ANO10: variants seen among roughly 807,000 people sequenced by gnomAD.
ANO10 encodes the protein anoctamin-10.
ANO10 carries 77 observed loss-of-function variants against 74.7 expected under a neutral mutation model. The ratio of observed to expected loss-of-function variants is 1.03; its 90% confidence interval spans 0.86 to 1.25. ANO10 has a LOEUF of 1.25. ANO10 is among the 50% of genes most tolerant of loss of function. ANO10 has a pLI of 0.00. For missense variants in ANO10, 721 were observed against 778.1 expected, an observed-to-expected ratio of 0.93 and a Z score of 0.87; for synonymous variants, 279 against 284.9, an observed-to-expected ratio of 0.98 and a Z score of 0.21.
chr3:43,436,745 T>G (rs1262944914), intron 11 of ANO10, among the ~76,000 whole-genome samples: 2 of 152,224 alleles, frequency 1.3e-5, no homozygotes, highest in African/African-American at 4.8e-5. Flanking sequence ...AGGACTCTCA[T>G]GCCAGCTGCA....
chr3:43,515,908 G>GT (rs2077691372), intron 11 of ANO10, among the ~76,000 whole-genome samples: 1 of 152,128 alleles, frequency 6.6e-6, no homozygotes, highest in Admixed American at 6.5e-5. Flanking sequence ...GTAAACTTAA[G>GT]GAATCTACTC....
chr3:43,462,373 G>A (rs2075417081), intron 11 of ANO10, among the ~76,000 whole-genome samples: 1 of 152,118 alleles, frequency 6.6e-6, no homozygotes, highest in Non-Finnish European at 1.5e-5. Flanking sequence ...GGGATTACAG[G>A]CACCCACCAC....
intron 1 of ANO10, among the ~76,000 whole-genome samples, chr3:43,671,081 A>G (rs1185376958): frequency 6.6e-6 from 1 of 152,182 alleles, no homozygotes; most frequent in African/African-American, 2.4e-5. Context: ...TTTCCCATTT[A>G]TATGATGGAA....
intron 1 of ANO10, among the ~76,000 whole-genome samples, chr3:43,655,539 T>C (rs1172636829): frequency 6.6e-6 from 1 of 152,222 alleles, no homozygotes; most frequent in Non-Finnish European, 1.5e-5. Context: ...TATTCTCTTA[T>C]GTGGCCCCAC....
chr3:43,409,542 A>T (rs1248480220), intron 12 of ANO10, among the ~76,000 whole-genome samples: 1 of 152,172 alleles, frequency 6.6e-6, no homozygotes, highest in Non-Finnish European at 1.5e-5. Context: ...ACCCTGTTTC[A>T]ATAAAAATAA....
At chr3:43,415,932 G>T (rs1040485719) in intron 12 of ANO10, among the ~76,000 whole-genome samples, 4 of 151,726 alleles carry the variant, frequency 2.6e-5, no homozygotes, top group African/African-American at 9.7e-5. Flanking sequence ...CAGCTATCCT[G>T]GATAAAGTTT....
At chr3:43,527,975 T>C (rs763619330) in intron 11 of ANO10, among the ~76,000 whole-genome samples, 1 of 152,026 alleles carries the variant, frequency 6.6e-6, no homozygotes, top group Non-Finnish European at 1.5e-5. Flanking sequence ...GGCTGAAGAT[T>C]ATCGGAAAGA....
chr3:43,651,589 G>T (rs918920989), intron 1 of ANO10, among the ~76,000 whole-genome samples: 1 of 152,186 alleles, frequency 6.6e-6, no homozygotes, highest in Non-Finnish European at 1.5e-5. Context: ...ATGTGGAAAA[G>T]ATGATGAATT....
Position 43,576,880 on chromosome 3 carries a change from C to T in ANO10, c.974G>A (p.Cys325Tyr). ...CATGACATACAGTGAGAAATAGAGGCAGAGGCACACGAATGGCAGGGAGAC... is the reference window on the plus strand; with the variant it reads ...CATGACATACAGTGAGAAATAGAGGTAGAGGCACACGAATGGCAGGGAGAC... ...YLVSLPFVCL[C>Y]LYFSLYVMMI... Residue 325 changes from cysteine to tyrosine, a missense_variant, in exon 6 of 13, where the codon TGC (cysteine) becomes TAC (tyrosine). Coordinates refer to ENST00000292246, the MANE Select transcript of ANO10 (RefSeq NM_018075.5). 6.2e-7 allele frequency: 1 copy of T among 1,614,154 alleles called. No homozygotes were observed. The highest frequency in any genetic ancestry group is 8.5e-7 in the Non-Finnish European group (1 of 1,180,034).
rs370103943 is a variant in ANO10 at position 43,415,554 on chromosome 3, T to C, written c.1914+17057A>G. Among the ~76,000 whole-genome samples, 760 of 152,134 alleles carry C rather than the reference T, an allele frequency of 5.0e-3. 8 individuals are homozygous for C. The highest frequency in any genetic ancestry group is 0.017 in the African/African-American group (699 of 41,494). ...TTTTCTTTCTTTCTTTCTTTTTTTT[T>C]TGAGATGTAGTCTTGCTCTGTCGCC... On this transcript the variant is annotated intron_variant, in intron 12 of 12. Transcript: ENST00000292246.
At chr3:43,412,603 C>G (rs1256417724) in intron 12 of ANO10, among the ~76,000 whole-genome samples, 1 of 152,232 alleles carries the variant, frequency 6.6e-6, no homozygotes, top group African/African-American at 2.4e-5. Flanking sequence ...TTTGACATAA[C>G]TTCTCGTTCA....
intron 11 of ANO10, among the ~76,000 whole-genome samples, chr3:43,434,669 G>C (rs2093040064): frequency 6.6e-6 from 1 of 152,142 alleles, no homozygotes; most frequent in African/African-American, 2.4e-5. Context: ...ATCCTGCTGA[G>C]GAAGGACATG....
chr3:43,570,855 G>C (rs1260261237), intron 7 of ANO10, among the ~76,000 whole-genome samples: 5 of 139,300 alleles, frequency 3.6e-5, no homozygotes, highest in African/African-American at 1.4e-4. Flanking sequence ...AAACTAAAGA[G>C]CTTCTGCACA....
intron 1 of ANO10, among the ~76,000 whole-genome samples, chr3:43,642,906 T>C (rs1483893462): frequency 2.0e-5 from 3 of 152,218 alleles, no homozygotes; most frequent in Non-Finnish European, 2.9e-5. Context: ...CTGCAGTTTA[T>C]TTACAGCCTC....
At chr3:43,393,587 T>C (rs1486213988) in intron 12 of ANO10, among the ~76,000 whole-genome samples, 2 of 152,174 alleles carry the variant, frequency 1.3e-5, no homozygotes, top group African/African-American at 4.8e-5. Context: ...GGCTCCTTCC[T>C]GCAAATCCCT....
intron 1 of ANO10, among the ~76,000 whole-genome samples, chr3:43,648,194 C>T (rs2083746815): frequency 6.6e-6 from 1 of 152,182 alleles, no homozygotes; most frequent in Admixed American, 6.5e-5. Context: ...ACTTTTCAAC[C>T]TGAATTTCTA....
At chr3:43,655,726 G>C (rs1355614409) in intron 1 of ANO10, among the ~76,000 whole-genome samples, 37 of 151,840 alleles carry the variant, frequency 2.4e-4, no homozygotes, top group African/African-American at 6.0e-4. Context: ...ATAGAGTGTT[G>C]ATTGGTGCAT....
intron 11 of ANO10, among the ~76,000 whole-genome samples, chr3:43,456,880 A>G (rs1329915324): frequency 1.3e-5 from 2 of 152,214 alleles, no homozygotes; most frequent in East Asian, 3.9e-4. Context: ...CACAGTAAGT[A>G]CGGATTTTTC....
chr3:43,396,319 T>G (rs1268436348), intron 12 of ANO10, among the ~76,000 whole-genome samples: 1 of 152,166 alleles, frequency 6.6e-6, no homozygotes, highest in Non-Finnish European at 1.5e-5. Flanking sequence ...CAATTATTTT[T>G]TCTTTCTTCG....
Sources: allele counts gnomAD v4.1 joint callset (sites outside exome capture counted in the v4.1 genomes callset), GRCh38; gene constraint gnomAD v4.1.1; transcripts MANE v1.5; gene names NCBI Gene and HGNC (gene_info 2026-07-23, HGNC 2026-07-21).